Variants in PTPN13 observed in about 807,000 individuals in gnomAD.
The protein encoded by PTPN13 is protein tyrosine phosphatase non-receptor type 13, also known as tyrosine-protein phosphatase non-receptor type 13.
A neutral mutation model predicts 284.0 loss-of-function variants in PTPN13; 191 were observed. The ratio of observed to expected loss-of-function variants is 0.67; its 90% CI spans 0.60 to 0.76. The LOEUF is 0.76. Among genes scored for constraint, PTPN13 ranks in the 30% least tolerant of loss-of-function variants. The pLI is 0.00. For synonymous variants in PTPN13, 986 were observed against 1,022.3 expected (o/e 0.96, Z 0.68); for missense variants, 2,797 against 2,939.9 (o/e 0.95, Z 1.12).
chr4:86,786,373 A>C (rs1022363048), intron 40 of PTPN13, among the ~76,000 whole-genome samples: 1 of 152,028 alleles, frequency 6.6e-6, no homozygotes, highest in Non-Finnish European at 1.5e-5. Context: ...TAGTCTTCCT[A>C]CTTCATATCT....
chr4:86,692,281 A>G (rs1327258256), intron 5 of PTPN13, among the ~76,000 whole-genome samples: 2 of 152,216 alleles, frequency 1.3e-5, no homozygotes, highest in African/African-American at 4.8e-5. Flanking sequence ...CTGACAGTAC[A>G]GTGTAATCTG....
intron 7 of PTPN13, among the ~76,000 whole-genome samples, chr4:86,709,301 T>A (rs146204941): frequency 1.3e-5 from 2 of 152,148 alleles, no homozygotes; most frequent in African/African-American, 4.8e-5. Flanking sequence ...GGGCTGTTTT[T>A]CATTGAAATT....
rs193163936 is a variant in PTPN13 at position 86,628,441 on chromosome 4, T to C, written c.-5-6811T>C. Among the ~76,000 whole-genome samples the C allele has an allele frequency of 3.3e-3, 507 of 152,178 alleles. 1 individual carries two copies. Among genetic ancestry groups the C allele is most frequent in the African/African-American group, 0.012 (490 of 41,534 alleles). On this transcript the variant is annotated intron_variant, in intron 1 of 47. Transcript: ENST00000411767. ...TTTAATTATATATTCTGGATATAAG[T>C]CCTTTATCAGTTATATGATTTGCAG...
Position 86,774,545 on chromosome 4 carries a change from G to A in PTPN13, c.5508+14G>A, listed in dbSNP as rs1183361391. The A allele has an allele frequency of 3.2e-6, 5 of 1,581,456 alleles. No homozygotes were observed. The highest frequency in any genetic ancestry group is 4.3e-6 in the Non-Finnish European group (5 of 1,163,798). ...CGGCTCATAAAGGTGAGACATTTAAGAGGAATGGATTATTTGTGTAAATGT... is the reference window on the plus strand; with the variant it reads ...CGGCTCATAAAGGTGAGACATTTAAAAGGAATGGATTATTTGTGTAAATGT... On this transcript the variant is annotated intron_variant, in intron 33 of 47. Transcript: ENST00000411767.
chr4:86,657,201 C>T lies in PTPN13; in HGVS notation c.116-15164C>T, dbSNP rs574455635. On this transcript the variant is annotated intron_variant, in intron 2 of 47. Coordinates refer to ENST00000411767, the MANE Select transcript of PTPN13 (RefSeq NM_080683.3). Reference sequence around the variant, plus strand: ...GGTAAGGTGATGCCTCGTCCTGCTTCGGCTCATGCTCGGTGGGCTGCACCC... The same window carrying T: ...GGTAAGGTGATGCCTCGTCCTGCTTTGGCTCATGCTCGGTGGGCTGCACCC... 7.1e-4 allele frequency among the ~76,000 whole-genome samples: 108 copies of T among 152,332 alleles called. No individual in the cohort carries two copies. The South Asian group carries it at 0.02, about 28-fold the overall frequency.
chr4:86,610,589 T>C lies in PTPN13; in HGVS notation c.-6+15800T>C, dbSNP rs556713760. 2.6e-5 allele frequency among the ~76,000 whole-genome samples: 4 copies of C among 152,276 alleles called. No homozygotes were observed. In the South Asian group the frequency reaches 8.3e-4, roughly 32 times the overall value. On this transcript the variant is annotated intron_variant, in intron 1 of 47. Coordinates refer to ENST00000411767, the MANE Select transcript of PTPN13 (RefSeq NM_080683.3). ...CAGACTAGATAAAGTGGGAAGCTAC[T>C]ATCCACCTTGAGTGCTGCCACATCT...
At chr4:86,783,533 T>G (rs1185341799) in intron 37 of PTPN13, among the ~76,000 whole-genome samples, 2 of 151,984 alleles carry the variant, frequency 1.3e-5, no homozygotes, top group African/African-American at 4.8e-5. Flanking sequence ...GGAGTTAAAA[T>G]CTTCCAGGAA....
At chr4:86,628,514 T>TA (rs397994376) in intron 1 of PTPN13, among the ~76,000 whole-genome samples, 5 of 149,814 alleles carry the variant, frequency 3.3e-5, no homozygotes, top group African/African-American at 9.8e-5. Flanking sequence ...TTTTTTTTTT[T>TA]ATTATACTCT....
At chr4:86,662,152 A>C (rs1726567112) in intron 2 of PTPN13, among the ~76,000 whole-genome samples, 1 of 152,224 alleles carries the variant, frequency 6.6e-6, no homozygotes, top group Non-Finnish European at 1.5e-5. Context: ...AGGTGGCAAC[A>C]GAAATGCTAG....
At chr4:86,715,560 C>G (rs1732926447) in intron 7 of PTPN13, among the ~76,000 whole-genome samples, 2 of 152,024 alleles carry the variant, frequency 1.3e-5, no homozygotes, top group Non-Finnish European at 2.9e-5. Flanking sequence ...CCACTGCACT[C>G]CAGCCTAGGC....
Position 86,604,099 on chromosome 4 carries a change from G to A in PTPN13, c.-6+9310G>A, listed in dbSNP as rs142114556. 3.3e-5 allele frequency among the ~76,000 whole-genome samples: 5 copies of A among 152,078 alleles called. No homozygotes were observed. In the East Asian group the frequency reaches 9.6e-4, roughly 29 times the overall value. On this transcript the variant is annotated intron_variant, in intron 1 of 47. Transcript: ENST00000411767. ...CTGAATTCAGGTAGTGTTATGACTT[G>A]TTTATTCATGTTCAGACCTAAATTA...
chr4:86,786,024 T>G (rs1452842076), intron 40 of PTPN13, 88 bp downstream of exon 40: 1 of 662,660 alleles, frequency 1.5e-6, no homozygotes, highest in Non-Finnish European at 2.3e-6. Flanking sequence ...AGAGATTCTT[T>G]CCTGTTTTAC....
intron 15 of PTPN13, among the ~76,000 whole-genome samples, chr4:86,736,564 G>GT (rs1267172633): frequency 6.6e-6 from 1 of 152,094 alleles, no homozygotes; most frequent in Non-Finnish European, 1.5e-5. Context: ...AGGCAAGGTG[G>GT]TTTTTTCTGT....
intron 6 of PTPN13, among the ~76,000 whole-genome samples, chr4:86,700,527 A>G (rs1207007374): frequency 6.6e-6 from 1 of 152,156 alleles, no homozygotes; most frequent in Admixed American, 6.5e-5. Context: ...ACTAAAGAAT[A>G]AGAGTTGGTA....
Position 86,772,763 on chromosome 4 carries a change from T to C in PTPN13, c.5169-15T>C, listed in dbSNP as rs1417294417. 1.3e-6 allele frequency: 2 copies of C among 1,579,232 alleles called. No individual in the cohort carries two copies. Among genetic ancestry groups the C allele is most frequent in the Admixed American group, 3.9e-5 (2 of 51,608 alleles). ...AAATGTATTTAAAAATAGTCTTACT[T>C]CTTTGTCTCTGTAGTAATCCTTCCC... On this transcript the variant is annotated splice_polypyrimidine_tract_variant and intron_variant, in intron 31 of 47. Transcript: ENST00000411767.
At chr4:86,774,204 ATCAGACAGACTGTCTAGAG>A (rs1565543871) in intron 32 of PTPN13, among the ~76,000 whole-genome samples, 150 bp from the exon 33 acceptor site, 2 of 152,296 alleles carry the variant, frequency 1.3e-5, no homozygotes, top group East Asian at 1.9e-4. Flanking sequence ...TCTGTCTAGA[ATCAGACAGACTGTCTAGAG>A]TCAGACAGAC....
chr4:86,796,914 A>C lies in PTPN13; in HGVS notation c.6386A>C (p.Lys2129Thr). Residue 2129 changes from lysine (K) to threonine (T), a missense_variant, in exon 41 of 48, where the codon AAA (lysine) becomes ACA (threonine). Coordinates refer to ENST00000411767, the MANE Select transcript of PTPN13 (RefSeq NM_080683.3). ...MNGCEEYCEE[K>T]VKSESLIQKP... ...GGCTGTGAAGAATATTGTGAAGAAA[A>C]AGTAAAAAGTGAAAGGTGAGAAAAT... is the stretch of plus-strand genomic sequence containing the variant. 1.3e-6 allele frequency: 2 copies of C among 1,486,222 alleles called. No homozygotes were observed. The highest frequency in any genetic ancestry group is 2.4e-5 in the South Asian group (2 of 83,164). 92.1% of individuals were successfully genotyped at this position (1,486,222 alleles called of 1,614,324 possible).
At chr4:86,789,792 G>C (rs1742404742) in intron 40 of PTPN13, among the ~76,000 whole-genome samples, 1 of 150,970 alleles carries the variant, frequency 6.6e-6, no homozygotes, top group African/African-American at 2.4e-5. Flanking sequence ...CCATACACAA[G>C]TGAACTTTAC....
intron 2 of PTPN13, among the ~76,000 whole-genome samples, chr4:86,665,474 G>A (rs1726960570): frequency 6.6e-6 from 1 of 152,230 alleles, no homozygotes; most frequent in East Asian, 1.9e-4. Flanking sequence ...TAATGACTAT[G>A]TATAGTAAAA....
Sources: gnomAD v4.1 joint callset for allele counts (sites outside exome capture counted in the v4.1 genomes callset) on GRCh38, gnomAD v4.1.1 for gene constraint, MANE v1.5 for transcripts, NCBI Gene and HGNC (gene_info 2026-07-23, HGNC 2026-07-21) for gene names.